DLG2: variants seen among roughly 807,000 people sequenced by gnomAD.
DLG2 encodes discs large MAGUK scaffold protein 2.
Under a neutral mutation model 132.5 loss-of-function variants are expected in DLG2, and 45 were observed. That is an observed-to-expected ratio of 0.34 (90% CI 0.27 to 0.44). The LOEUF (loss-of-function observed/expected upper bound fraction) is 0.44, where lower values mean the gene tolerates loss of function less well. Ranked by LOEUF, DLG2 falls within the 20% of genes least tolerant of loss-of-function variation. The pLI, the probability that DLG2 is intolerant of heterozygous loss-of-function variation, is 1.00. For synonymous variants in DLG2, 424 were observed against 419.6 expected, an observed-to-expected ratio of 1.01 and a Z score of -0.13; for missense variants, 1,045 against 1,196.9, an observed-to-expected ratio of 0.87 and a Z score of 1.87.
chr11:85,432,593 G>C (rs982197816), intron 3 of DLG2, among the ~76,000 whole-genome samples: 4 of 151,516 alleles, frequency 2.6e-5, no homozygotes, highest in African/African-American at 9.7e-5. Context: ...ATCAGAGATG[G>C]AATAACGGAG....
chr11:85,529,987 G>GTTT (rs59507021), intron 3 of DLG2, among the ~76,000 whole-genome samples: 1,981 of 113,060 alleles, frequency 0.018, 57 homozygotes, highest in African/African-American at 0.023. Flanking sequence ...GAGAGGGTTT[G>GTTT]TTTTTTTTTT....
intron 22 of DLG2, 100 bp downstream of exon 22, chr11:83,484,029 G>T: frequency 2.2e-6 from 2 of 917,622 alleles, no homozygotes; most frequent in Non-Finnish European, 3.6e-6. Context: ...TGTGTTGTTT[G>T]CCTAGGTGTG....
At chr11:85,431,409 T>C (rs1213053572) in intron 3 of DLG2, among the ~76,000 whole-genome samples, 2 of 152,172 alleles carry the variant, frequency 1.3e-5, no homozygotes, top group African/African-American at 4.8e-5. Flanking sequence ...GTGCAACCCA[T>C]GGATCAGAAG....
chr11:85,182,961 C>T (rs762722368), intron 4 of DLG2, among the ~76,000 whole-genome samples: 5 of 151,188 alleles, frequency 3.3e-5, no homozygotes, highest in South Asian at 2.1e-4. Context: ...CAGAATGCTC[C>T]GGCTTATTAC....
At chr11:84,919,876 T>C (rs2092677107) in intron 6 of DLG2, among the ~76,000 whole-genome samples, 1 of 152,218 alleles carries the variant, frequency 6.6e-6, no homozygotes, top group Non-Finnish European at 1.5e-5. Context: ...GAAACTGAAC[T>C]GTGTACGTGA....
chr11:84,194,194 A>G (rs1052763499), intron 8 of DLG2, among the ~76,000 whole-genome samples: 2 of 151,204 alleles, frequency 1.3e-5, no homozygotes, highest in Admixed American at 1.3e-4. Flanking sequence ...CCCTTCTCTC[A>G]CTCTCTATGT....
chr11:84,472,250 G>A (rs2099110425), intron 7 of DLG2, among the ~76,000 whole-genome samples: 1 of 151,850 alleles, frequency 6.6e-6, no homozygotes, highest in Non-Finnish European at 1.5e-5. Flanking sequence ...CATATAATAT[G>A]TATTGTGTCT....
At chr11:84,557,770 A>G (rs1382957642) in intron 6 of DLG2, among the ~76,000 whole-genome samples, 3 of 152,076 alleles carry the variant, frequency 2.0e-5, no homozygotes, top group East Asian at 3.9e-4. Flanking sequence ...TTTGGTGCAC[A>G]TATGTAAAAC....
At position 84,594,033 on chromosome 11, in the gene DLG2, A is replaced by C. The variant is rs1191894990; in HGVS notation, c.358-59302T>G. The stretch of plus-strand genomic sequence containing the variant: ...ATGCCAATACATTTTTTTTAATTTC[A>C]AGAAATTACATGAGAATGGCAGTGC... On this transcript the variant is annotated intron_variant, in intron 6 of 27. Transcript: ENST00000376104. Among the ~76,000 whole-genome samples, 4 of 152,170 alleles carry C rather than the reference A, an allele frequency of 2.6e-5. No individual in the cohort carries two copies. The East Asian group carries it at 5.8e-4, about 22-fold the overall frequency.
intron 19 of DLG2, among the ~76,000 whole-genome samples, chr11:83,578,775 T>C (rs1376431491): frequency 6.6e-6 from 1 of 152,212 alleles, no homozygotes; most frequent in African/African-American, 2.4e-5. Context: ...GCAACTTGAC[T>C]TAATTAGCAT....
intron 6 of DLG2, among the ~76,000 whole-genome samples, chr11:84,979,370 C>T (rs544839229): frequency 1.2e-3 from 182 of 152,194 alleles, no homozygotes; most frequent in African/African-American, 4.2e-3. Flanking sequence ...ATGTTTATTG[C>T]AGCACTATTC....
At chr11:85,389,039 T>C (rs1596786403) in intron 3 of DLG2, among the ~76,000 whole-genome samples, 1 of 152,036 alleles carries the variant, frequency 6.6e-6, no homozygotes, top group African/African-American at 2.4e-5. Context: ...TTAAGAAGGG[T>C]AATTACCAAG....
chr11:83,874,176 G>C (rs1341095989), intron 16 of DLG2, among the ~76,000 whole-genome samples: 1 of 145,592 alleles, frequency 6.9e-6, no homozygotes, highest in Non-Finnish European at 1.5e-5. Context: ...GAAAGAGAAA[G>C]AGAGAAAAAA....
chr11:85,454,649 G>T (rs1430070609), intron 3 of DLG2, among the ~76,000 whole-genome samples: 2 of 152,264 alleles, frequency 1.3e-5, no homozygotes, highest in African/African-American at 2.4e-5. Context: ...TTCTTCTAGA[G>T]TTTTTATAGT....
intron 6 of DLG2, among the ~76,000 whole-genome samples, chr11:84,848,736 ACTTAAGG>A (rs1402189620): frequency 6.6e-6 from 1 of 152,066 alleles, no homozygotes; most frequent in African/African-American, 2.4e-5. Context: ...AATGGATGAG[ACTTAAGG>A]CTTTGGGGTA....
At chr11:85,547,767 T>A (rs1293066201) in intron 3 of DLG2, among the ~76,000 whole-genome samples, 3 of 152,144 alleles carry the variant, frequency 2.0e-5, no homozygotes, top group African/African-American at 7.2e-5. Flanking sequence ...TTCTTCCGCT[T>A]GATCAATTTG....
At position 83,660,012 on chromosome 11, in the gene DLG2, C is replaced by T. The variant is rs11827059; in HGVS notation, c.1826-26687G>A. Among the ~76,000 whole-genome samples the T allele has an allele frequency of 1.1e-3, 163 of 152,142 alleles. 1 individual carries two copies. The highest frequency in any genetic ancestry group is 3.6e-3 in the African/African-American group (148 of 41,520). On this transcript the variant is annotated intron_variant, in intron 18 of 27. Coordinates refer to ENST00000376104, the MANE Select transcript of DLG2 (RefSeq NM_001142699.3). ...TCTGCTTAAGCACTGTGACTTCTGACGACTAGAACTTTACAAATAAACGTT... is the reference window on the plus strand; with the variant it reads ...TCTGCTTAAGCACTGTGACTTCTGATGACTAGAACTTTACAAATAAACGTT...
At chr11:85,520,379 T>C (rs892441048) in intron 3 of DLG2, among the ~76,000 whole-genome samples, 1 of 152,132 alleles carries the variant, frequency 6.6e-6, no homozygotes, top group Non-Finnish European at 1.5e-5. Flanking sequence ...TCCATGCTCA[T>C]GGATTGGAAG....
chr11:84,602,751 G>C (rs1399349515), intron 6 of DLG2, among the ~76,000 whole-genome samples: 2 of 151,940 alleles, frequency 1.3e-5, no homozygotes, highest in African/African-American at 2.4e-5. Flanking sequence ...CAAAAAGTCA[G>C]CTTCCTCAAT....
Sources: gnomAD v4.1 joint callset for allele counts (sites outside exome capture counted in the v4.1 genomes callset) on GRCh38, gnomAD v4.1.1 for gene constraint, MANE v1.5 for transcripts, NCBI Gene and HGNC (gene_info 2026-07-23, HGNC 2026-07-21) for gene names.